The following GPC5 variants were observed in gnomAD, a reference collection of about 807,000 sequenced individuals.
GPC5 encodes the protein glypican 5, also known as glypican-5.
Under a neutral mutation model 53.9 loss-of-function variants are expected in GPC5, and 47 were observed. The ratio of observed to expected loss-of-function variants is 0.87; its 90% CI spans 0.69 to 1.11. The LOEUF is 1.11. GPC5 is among the 50% of genes most tolerant of loss of function. The pLI is 0.00. For synonymous variants in GPC5, 286 were observed against 263.3 expected (o/e 1.09, Z -0.84); for missense variants, 748 against 713.1 (o/e 1.05, Z -0.56).
At chr13:92,588,457 T>C (rs1369773797) in intron 7 of GPC5, among the ~76,000 whole-genome samples, 1 of 152,244 alleles carries the variant, frequency 6.6e-6, no homozygotes, top group East Asian at 1.9e-4. Context: ...CCCACTGTTT[T>C]GTTTCCTTGT....
intron 7 of GPC5, among the ~76,000 whole-genome samples, chr13:92,182,662 C>T (rs986882269): frequency 6.6e-6 from 1 of 151,980 alleles, no homozygotes; most frequent in Non-Finnish European, 1.5e-5. Context: ...GTCAGGAGAT[C>T]GAGACCATCC....
intron 6 of GPC5, among the ~76,000 whole-genome samples, chr13:92,081,422 C>T (rs2041294561): frequency 6.6e-6 from 1 of 152,110 alleles, no homozygotes; most frequent in Non-Finnish European, 1.5e-5. Flanking sequence ...ATCTTGTTCG[C>T]AGAACATAGC....
intron 2 of GPC5, among the ~76,000 whole-genome samples, chr13:91,542,302 G>A (rs1163899065): frequency 2.6e-5 from 4 of 151,996 alleles, no homozygotes; most frequent in Non-Finnish European, 5.9e-5. Flanking sequence ...AAGAACAAAG[G>A]AAATGTGAAA....
At chr13:92,693,634 C>A (rs945424342) in intron 7 of GPC5, among the ~76,000 whole-genome samples, 17 of 152,102 alleles carry the variant, frequency 1.1e-4, no homozygotes, top group Admixed American at 6.6e-5. Flanking sequence ...GGTGACCTGG[C>A]TGATTCTGAG....
intron 6 of GPC5, among the ~76,000 whole-genome samples, chr13:91,926,743 AAATGCAGGAAAAT>A (rs777101242): frequency 3.3e-5 from 5 of 152,208 alleles, no homozygotes; most frequent in Non-Finnish European, 5.9e-5. Flanking sequence ...GAGTGTGAAC[AAATGCAGGAAAAT>A]AATCTCATCT....
intron 6 of GPC5, among the ~76,000 whole-genome samples, chr13:92,141,530 G>T (rs2138979042): frequency 6.6e-6 from 1 of 152,312 alleles, no homozygotes; most frequent in South Asian, 2.1e-4. Context: ...AAACATGCTA[G>T]AGAATCAAAA....
chr13:92,522,152 A>G (rs565876368), intron 7 of GPC5, among the ~76,000 whole-genome samples: 8 of 152,286 alleles, frequency 5.3e-5, no homozygotes, highest in African/African-American at 1.4e-4. Flanking sequence ...AAATAGGAAC[A>G]CTTTTATACT....
At chr13:91,411,239 G>A (rs1225550487) in intron 1 of GPC5, among the ~76,000 whole-genome samples, 1 of 152,248 alleles carries the variant, frequency 6.6e-6, no homozygotes, top group Non-Finnish European at 1.5e-5. Flanking sequence ...GAATTAATGT[G>A]AGTAGGGATA....
intron 6 of GPC5, among the ~76,000 whole-genome samples, chr13:91,986,211 A>T (rs535746877): frequency 6.6e-5 from 10 of 151,630 alleles, no homozygotes; most frequent in Non-Finnish European, 1.2e-4. Flanking sequence ...GACTACAGGC[A>T]CCCACCACCA....
intron 7 of GPC5, among the ~76,000 whole-genome samples, chr13:92,832,150 A>T (rs1182509080): frequency 6.6e-6 from 1 of 152,242 alleles, no homozygotes; most frequent in Non-Finnish European, 1.5e-5. Flanking sequence ...TAGATAAAAA[A>T]ATAGAATCTC....
At chr13:92,624,571 C>T (rs574641638) in intron 7 of GPC5, among the ~76,000 whole-genome samples, 6 of 152,282 alleles carry the variant, frequency 3.9e-5, no homozygotes, top group African/African-American at 7.2e-5. Flanking sequence ...GAAGATGAGA[C>T]AGTTCTCTCA....
At chr13:91,817,697 G>C (rs1884233841) in intron 5 of GPC5, among the ~76,000 whole-genome samples, 1 of 152,118 alleles carries the variant, frequency 6.6e-6, no homozygotes. Flanking sequence ...AAGATGAAAA[G>C]GCTTCACTTT....
intron 2 of GPC5, among the ~76,000 whole-genome samples, chr13:91,463,037 A>G (rs1277455802): frequency 6.6e-6 from 1 of 152,108 alleles, no homozygotes; most frequent in East Asian, 1.9e-4. Context: ...TCTACTGGTT[A>G]TATACAGTCA....
At chr13:91,567,935 T>C (rs995076525) in intron 2 of GPC5, among the ~76,000 whole-genome samples, 9 of 152,134 alleles carry the variant, frequency 5.9e-5, no homozygotes, top group African/African-American at 2.2e-4. Context: ...GATAGGATAA[T>C]GGGGGCAGTT....
At chr13:91,856,824 TA>T (rs924505905) in intron 5 of GPC5, among the ~76,000 whole-genome samples, 1 of 151,460 alleles carries the variant, frequency 6.6e-6, no homozygotes, top group Non-Finnish European at 1.5e-5. Flanking sequence ...CTCTATGTCC[TA>T]AGAAATATTT....
intron 7 of GPC5, among the ~76,000 whole-genome samples, chr13:92,709,288 A>G (rs543543971): frequency 6.7e-6 from 1 of 150,050 alleles, no homozygotes; most frequent in East Asian, 2.0e-4. Flanking sequence ...TGAACTCCTG[A>G]CCTCAAGTGA....
At chr13:91,714,807 G>C (rs2036300611) in intron 3 of GPC5, among the ~76,000 whole-genome samples, 1 of 152,160 alleles carries the variant, frequency 6.6e-6, no homozygotes, top group Non-Finnish European at 1.5e-5. Flanking sequence ...CTGGGGCTTA[G>C]GCTGGGAGGG....
At chr13:91,780,982 T>A (rs78998542) in intron 5 of GPC5, among the ~76,000 whole-genome samples, 5,781 of 152,022 alleles carry the variant, frequency 0.038, 141 homozygotes, top group Middle Eastern at 0.065. Context: ...AAGAGAAGAG[T>A]ATAGGAAGAA....
At chr13:92,209,579 T>C (rs1211323120) in intron 7 of GPC5, among the ~76,000 whole-genome samples, 2 of 152,172 alleles carry the variant, frequency 1.3e-5, no homozygotes, top group Non-Finnish European at 2.9e-5. Context: ...AGCTTGCCCC[T>C]GAATCTGTGA....
Sources: gnomAD v4.1 joint callset for allele counts (sites outside exome capture counted in the v4.1 genomes callset) on GRCh38, gnomAD v4.1.1 for gene constraint, MANE v1.5 for transcripts, NCBI Gene and HGNC (gene_info 2026-07-23, HGNC 2026-07-21) for gene names.